Variants in WDR59 observed in about 807,000 individuals in gnomAD.
WDR59 encodes the protein GATOR2 complex protein WDR59.
A neutral mutation model predicts 131.2 loss-of-function variants in WDR59; 100 were observed. The observed-to-expected ratio is 0.76, with a 90% confidence interval of 0.65 to 0.90. The LOEUF is 0.90. Among genes scored for constraint, WDR59 ranks in the 40% least tolerant of loss-of-function variants. WDR59 has a pLI of 0.00. For synonymous variants in WDR59, 601 were observed against 466.2 expected, an observed-to-expected ratio of 1.29 and a Z score of -3.72; for missense variants, 1,203 against 1,262.2, an observed-to-expected ratio of 0.95 and a Z score of 0.71.
intron 18 of WDR59, among the ~76,000 whole-genome samples, chr16:74,903,357 G>A (rs7194514): frequency 0.63 from 96,271 of 152,000 alleles, 30,584 homozygotes; most frequent in South Asian, 0.72. Flanking sequence ...TTGGCACCAA[G>A]GGTTTCTGAC....
chr16:74,972,372 C>T (rs918400782), intron 1 of WDR59, among the ~76,000 whole-genome samples: 1 of 152,148 alleles, frequency 6.6e-6, no homozygotes, highest in Non-Finnish European at 1.5e-5. Context: ...GGTGAGTCAA[C>T]TTCCAAAGGC....
At position 74,908,412 on chromosome 16, in the gene WDR59, G is replaced by C. The variant is rs544536046; in HGVS notation, c.1712+496C>G. On this transcript the variant is annotated intron_variant, in intron 17 of 25. Transcript: ENST00000262144. ...AGCCTGGGTGACAGAGCCAGATCCT[G>C]TCTCAAAAAAAGAAAAAAGAAAAAA... 8.7e-4 allele frequency among the ~76,000 whole-genome samples: 133 copies of C among 152,062 alleles called. 1 individual carries two copies. Among genetic ancestry groups the C allele is most frequent in the African/African-American group, 2.9e-3 (119 of 41,476 alleles).
At chr16:74,926,221 G>A (rs1445812703) in intron 8 of WDR59, among the ~76,000 whole-genome samples, 1 of 151,904 alleles carries the variant, frequency 6.6e-6, no homozygotes, top group Non-Finnish European at 1.5e-5. Flanking sequence ...CACCACGCCT[G>A]GCTAATTTTT....
rs566781634 is a variant in WDR59, at chr16:74,894,039, G to C, written c.1867-227C>G. 2.0e-5 allele frequency: 9 copies of C among 451,490 alleles called. No homozygotes were observed. In the East Asian group the frequency reaches 3.0e-4, roughly 15 times the overall value. 28.0% of individuals were successfully genotyped at this position (451,490 alleles called of 1,614,324 possible). A position where few individuals can be genotyped will look rare whatever the true frequency, so the allele number is the denominator to read the frequency against. On this transcript the variant is annotated intron_variant, in intron 18 of 25. Coordinates refer to ENST00000262144, the MANE Select transcript of WDR59 (RefSeq NM_030581.4). ...CTGCCAGGCTAGATACATTCTGCAG[G>C]TGCTCAAAAACACATATCAGGAAGC... is the stretch of plus-strand genomic sequence containing the variant.
At chr16:74,885,134 A>G (rs937438022) in intron 25 of WDR59, among the ~76,000 whole-genome samples, 4 of 152,156 alleles carry the variant, frequency 2.6e-5, no homozygotes, top group Non-Finnish European at 5.9e-5. Context: ...GGAGTACTGT[A>G]TATCAACTAC....
chr16:74,884,644 G>A (rs1007824170), intron 25 of WDR59, among the ~76,000 whole-genome samples: 6 of 152,152 alleles, frequency 3.9e-5, no homozygotes, highest in African/African-American at 9.7e-5. Context: ...CACCACGTCC[G>A]GCCAAATCCA....
Position 74,892,495 on chromosome 16 carries a change from C to T in WDR59, c.2071G>A (p.Asp691Asn), listed in dbSNP as rs1965090855. The T allele has an allele frequency of 1.2e-6, 2 of 1,613,764 alleles. No homozygotes were observed. Among genetic ancestry groups the T allele is most frequent in the Non-Finnish European group, 1.7e-6 (2 of 1,179,766 alleles). Residue 691 changes from aspartate to asparagine, a missense_variant, in exon 20 of 26, where the codon GAT becomes AAT. By Grantham distance (23) the Asp-to-Asn change is conservative (BLOSUM62 1). Transcript: ENST00000262144. Reference protein sequence around the residue: ...AASALLVGRKDLVQVWSLATV... With the variant: ...AASALLVGRKNLVQVWSLATV... Reference sequence around the variant, plus strand: ...GGGATGGACAATACCTGGACAAGATCCTTTCTTCCAACGAGCAAGGCAGAG... The same window carrying T: ...GGGATGGACAATACCTGGACAAGATTCTTTCTTCCAACGAGCAAGGCAGAG...
chr16:74,982,600 T>C (rs1248705546), intron 1 of WDR59, among the ~76,000 whole-genome samples: 1 of 152,204 alleles, frequency 6.6e-6, no homozygotes, highest in Non-Finnish European at 1.5e-5. Context: ...TTAGCAGGCT[T>C]AGAGGCATGA....
At chr16:74,965,885 T>G (rs2033754721) in intron 1 of WDR59, 63 bp from the exon 2 acceptor site, 5 of 1,567,260 alleles carry the variant, frequency 3.2e-6, no homozygotes, top group Non-Finnish European at 4.4e-6. Flanking sequence ...AAGGCAGAGG[T>G]CTCTGTGGCT....
rs185398291 is a variant in WDR59 at position 74,970,991 on chromosome 16, A to G, written c.55-5169T>C. Among the ~76,000 whole-genome samples the G allele has an allele frequency of 4.6e-5, 7 of 152,096 alleles. 1 individual carries two copies. The highest frequency in any genetic ancestry group is 3.3e-4 in the Admixed American group (5 of 15,244). ...TTGAGCCCGAGAGGTTGTGGCTACA[A>G]TGAGCAATGTTCACACCACTACACT... On this transcript the variant is annotated intron_variant, in intron 1 of 25. Coordinates refer to ENST00000262144, the MANE Select transcript of WDR59 (RefSeq NM_030581.4).
At chr16:74,944,837 A>C (rs1011901616) in intron 6 of WDR59, among the ~76,000 whole-genome samples, 4 of 152,174 alleles carry the variant, frequency 2.6e-5, no homozygotes, top group African/African-American at 9.7e-5. Context: ...GCAGGCTAAA[A>C]AAAGAACCAC....
chr16:74,942,355 G>T (rs1277777583), intron 7 of WDR59, among the ~76,000 whole-genome samples: 1 of 152,066 alleles, frequency 6.6e-6, no homozygotes, highest in Non-Finnish European at 1.5e-5. Context: ...GCAGGGGCAG[G>T]GATAAGAAGC....
At position 74,915,978 on chromosome 16, in the gene WDR59, G is replaced by A; in HGVS notation, c.1116C>T (p.Pro372=). ...TCCTCTCTTCCAGGAGATTTCTAGG[G>A]GGATCTTCTTTTAGGGCTAGCAGGA... is the stretch of plus-strand genomic sequence containing the variant. ...HGEEEALKED[P]PRNLLEERKS... Residue 372 remains proline (P), a synonymous_variant, in exon 13 of 26, where the codon CCC becomes CCT. Transcript: ENST00000262144. 6.2e-7 allele frequency: 1 copy of A among 1,614,140 alleles called. No homozygotes were observed. Among genetic ancestry groups the A allele is most frequent in the Non-Finnish European group, 8.5e-7 (1 of 1,180,024 alleles).
intron 1 of WDR59, among the ~76,000 whole-genome samples, chr16:74,970,315 C>T (rs1035459817): frequency 1.6e-4 from 25 of 151,900 alleles, no homozygotes; most frequent in African/African-American, 6.0e-4. Flanking sequence ...AATTTAAAGG[C>T]AGGCAATGTG....
At position 74,949,349 on chromosome 16, in the gene WDR59, A is replaced by G. The variant is rs543692262; in HGVS notation, c.407+369T>C. Among the ~76,000 whole-genome samples the G allele has an allele frequency of 2.0e-4, 30 of 149,154 alleles. No homozygotes were observed. In the East Asian group the frequency reaches 2.3e-3, roughly 12 times the overall value. On this transcript the variant is annotated intron_variant, in intron 5 of 25. Transcript: ENST00000262144. ...TTGTCTCAAAAAAAAAAAAAAAAAA[A>G]AAAAAGAAAGGAAAGAAAGAGAGGA...
rs181032943 is a variant in WDR59, at chr16:74,929,540, C to G, written c.652-5537G>C. ...AAAGACAGGCAATAATGAACGCTGG[C>G]AAGGATGTGGAGAAAAGGGAATTCT... On this transcript the variant is annotated intron_variant, in intron 8 of 25. Coordinates refer to ENST00000262144, the MANE Select transcript of WDR59 (RefSeq NM_030581.4). Among the ~76,000 whole-genome samples the G allele has an allele frequency of 2.8e-3, 419 of 152,184 alleles. 1 individual carries two copies. The highest frequency in any genetic ancestry group is 9.2e-3 in the Admixed American group (141 of 15,294).
chr16:74,940,798 C>T (rs1217395009), intron 7 of WDR59, among the ~76,000 whole-genome samples: 2 of 152,004 alleles, frequency 1.3e-5, no homozygotes, highest in African/African-American at 2.4e-5. Context: ...CTCCGCCTCC[C>T]GGGTTCAAGC....
At chr16:74,884,270 C>A (rs886111452) in intron 25 of WDR59, among the ~76,000 whole-genome samples, 5 of 152,232 alleles carry the variant, frequency 3.3e-5, no homozygotes, top group African/African-American at 1.2e-4. Flanking sequence ...GCCACAGTGA[C>A]CCTCTTAAAA....
chr16:74,978,467 G>A (rs909699156), intron 1 of WDR59, among the ~76,000 whole-genome samples: 3 of 152,102 alleles, frequency 2.0e-5, no homozygotes, highest in African/African-American at 7.2e-5. Flanking sequence ...CTCCAGCCTG[G>A]GCAACTGAGA....
Sources: gnomAD v4.1 joint callset for allele counts (sites outside exome capture counted in the v4.1 genomes callset) on GRCh38, gnomAD v4.1.1 for gene constraint, MANE v1.5 for transcripts, NCBI Gene and HGNC (gene_info 2026-07-23, HGNC 2026-07-21) for gene names.